The following HS3ST4 variants were observed in gnomAD, a reference collection of about 807,000 sequenced individuals.
The protein encoded by HS3ST4 is heparan sulfate-glucosamine 3-sulfotransferase 4, also known as heparan sulfate glucosamine 3-O-sulfotransferase 4.
HS3ST4 carries 17 observed loss-of-function variants against 29.2 expected under a neutral mutation model. The ratio of observed to expected loss-of-function variants is 0.58; its 90% CI spans 0.40 to 0.87. The LOEUF is 0.87. Among genes scored for constraint, HS3ST4 ranks in the 40% least tolerant of loss-of-function variants. The pLI is 0.00. For synonymous variants in HS3ST4, 314 were observed against 285.7 expected, an observed-to-expected ratio of 1.10 and a Z score of -1.00; for missense variants, 627 against 634.5, an observed-to-expected ratio of 0.99 and a Z score of 0.13.
At chr16:25,768,659 T>C (rs1383608484) in intron 1 of HS3ST4, among the ~76,000 whole-genome samples, 1 of 152,094 alleles carries the variant, frequency 6.6e-6, no homozygotes, top group Non-Finnish European at 1.5e-5. Flanking sequence ...TTCCTGCATT[T>C]TGTATTGTAA....
chr16:25,729,535 T>C (rs1263116967), intron 1 of HS3ST4, among the ~76,000 whole-genome samples: 1 of 152,198 alleles, frequency 6.6e-6, no homozygotes, highest in East Asian at 1.9e-4. Flanking sequence ...AGAGAGGAAG[T>C]TCCTTTCTGG....
At chr16:26,088,075 T>C (rs1596676317) in intron 1 of HS3ST4, among the ~76,000 whole-genome samples, 1 of 152,174 alleles carries the variant, frequency 6.6e-6, no homozygotes, top group Non-Finnish European at 1.5e-5. Context: ...TCTTCTGAGG[T>C]CCTGAGAGCC....
intron 1 of HS3ST4, among the ~76,000 whole-genome samples, chr16:26,080,591 G>A (rs532051999): frequency 3.7e-4 from 57 of 152,214 alleles, no homozygotes; most frequent in African/African-American, 1.3e-3. Context: ...TGTGGGCAAC[G>A]GAAACATAAT....
At chr16:25,933,382 A>G (rs1219012635) in intron 1 of HS3ST4, 1 of 517,190 alleles carries the variant, frequency 1.9e-6, no homozygotes, top group East Asian at 5.5e-5. Context: ...AATCTCAAAC[A>G]GAGGTGTCTT....
At chr16:26,023,869 T>C (rs1169192896) in intron 1 of HS3ST4, among the ~76,000 whole-genome samples, 1 of 152,234 alleles carries the variant, frequency 6.6e-6, no homozygotes, top group East Asian at 1.9e-4. Context: ...TCAAGAATTA[T>C]TGAGATTGAG....
At chr16:25,714,256 C>T (rs1966436874) in intron 1 of HS3ST4, among the ~76,000 whole-genome samples, 1 of 152,204 alleles carries the variant, frequency 6.6e-6, no homozygotes, top group Non-Finnish European at 1.5e-5. Context: ...TCATCATCCT[C>T]CTTCCCGCAC....
At chr16:25,845,756 T>G (rs1202205569) in intron 1 of HS3ST4, among the ~76,000 whole-genome samples, 1 of 151,946 alleles carries the variant, frequency 6.6e-6, no homozygotes, top group Non-Finnish European at 1.5e-5. Flanking sequence ...TCTCATTCTC[T>G]CTCTTCATTT....
At chr16:26,050,260 A>G (rs1442870803) in intron 1 of HS3ST4, among the ~76,000 whole-genome samples, 1 of 152,176 alleles carries the variant, frequency 6.6e-6, no homozygotes, top group African/African-American at 2.4e-5. Flanking sequence ...TTTAGGAGTC[A>G]TATGCCAGGG....
At chr16:25,836,696 A>G (rs1325154891) in intron 1 of HS3ST4, among the ~76,000 whole-genome samples, 1 of 152,224 alleles carries the variant, frequency 6.6e-6, no homozygotes, top group Non-Finnish European at 1.5e-5. Context: ...ATGAAAAACA[A>G]TATCATGCAG....
intron 1 of HS3ST4, among the ~76,000 whole-genome samples, chr16:25,877,544 G>T (rs1169528039): frequency 6.6e-6 from 1 of 152,142 alleles, no homozygotes; most frequent in African/African-American, 2.4e-5. Flanking sequence ...TGACAACAGA[G>T]ACAGAGATTG....
chr16:25,781,523 A>T (rs1308726799), intron 1 of HS3ST4, among the ~76,000 whole-genome samples: 2 of 151,988 alleles, frequency 1.3e-5, no homozygotes, highest in Non-Finnish European at 2.9e-5. Flanking sequence ...CACACACATA[A>T]CTCACATCTA....
rs534589148 is a variant in HS3ST4 at position 26,109,757 on chromosome 16, C to T, written c.735-25855C>T. On this transcript the variant is annotated intron_variant, in intron 1 of 1. Transcript: ENST00000331351. ...CTGTTTTTAGACATTTATTTTTTTTCCCAGCTCTATTTAGGTGTCATTGAC... is the reference window on the plus strand; with the variant it reads ...CTGTTTTTAGACATTTATTTTTTTTTCCAGCTCTATTTAGGTGTCATTGAC... Among the ~76,000 whole-genome samples, 24 of 148,096 alleles carry T rather than the reference C, an allele frequency of 1.6e-4. No individual in the cohort carries two copies. The South Asian group carries it at 5.0e-3, about 31-fold the overall frequency.
chr16:25,741,520 G>T (rs907727612), intron 1 of HS3ST4, among the ~76,000 whole-genome samples: 3 of 152,062 alleles, frequency 2.0e-5, no homozygotes, highest in Admixed American at 6.6e-5. Flanking sequence ...CTTTAAAAAA[G>T]AGGGGCTATT....
chr16:26,110,010 A>G (rs1008381099), intron 1 of HS3ST4, among the ~76,000 whole-genome samples: 1 of 152,072 alleles, frequency 6.6e-6, no homozygotes, highest in Non-Finnish European at 1.5e-5. Flanking sequence ...TCCTAAGTGA[A>G]ACTTTGTACC....
In HS3ST4 at chr16:25,958,439, C is replaced by T. The variant is rs546086213; in HGVS notation, c.735-177173C>T. Among the ~76,000 whole-genome samples the T allele has an allele frequency of 1.5e-3, 228 of 152,184 alleles. 1 individual carries two copies. The highest frequency in any genetic ancestry group is 2.7e-3 in the Non-Finnish European group (184 of 68,000). On this transcript the variant is annotated intron_variant, in intron 1 of 1. Transcript: ENST00000331351. ...CTCTGCCTCCTGAATTCAAGTGATTCTCCACCTCAGCCTCCCGAGTAGCTG... is the reference window on the plus strand; with the variant it reads ...CTCTGCCTCCTGAATTCAAGTGATTTTCCACCTCAGCCTCCCGAGTAGCTG...
Position 25,876,587 on chromosome 16 carries a change from C to G in HS3ST4, c.734+183436C>G, listed in dbSNP as rs73515319. On this transcript the variant is annotated intron_variant, in intron 1 of 1. Coordinates refer to ENST00000331351, the MANE Select transcript of HS3ST4 (RefSeq NM_006040.3). ...ACTGTCCCCTCATCTCTTATTGGTT[C>G]TAATTAGTCAAGAAAATGGAATATG... Among the ~76,000 whole-genome samples, 1,394 of 152,198 alleles carry G rather than the reference C, an allele frequency of 9.2e-3. 16 individuals are homozygous for G. Among genetic ancestry groups the G allele is most frequent in the African/African-American group, 0.032 (1,312 of 41,540 alleles).
rs1394514760 is a variant in HS3ST4, at chr16:26,024,410, A to T, written c.735-111202A>T. Among the ~76,000 whole-genome samples the T allele has an allele frequency of 2.6e-5, 4 of 151,988 alleles. No homozygotes were observed. The East Asian group carries it at 7.8e-4, about 29-fold the overall frequency. On this transcript the variant is annotated intron_variant, in intron 1 of 1. Transcript: ENST00000331351. ...GCATAAGAGTCCATGTAGGAAGAGC[A>T]CCCTCTGGCCACTTCATTTGCTTTT... is the stretch of plus-strand genomic sequence containing the variant.
At chr16:25,696,307 C>G (rs1034665109) in intron 1 of HS3ST4, among the ~76,000 whole-genome samples, 6 of 152,318 alleles carry the variant, frequency 3.9e-5, no homozygotes, top group Middle Eastern at 3.4e-3. Flanking sequence ...TAGGCAGAGA[C>G]TTTAAACTCT....
intron 1 of HS3ST4, among the ~76,000 whole-genome samples, chr16:25,988,678 A>G (rs1156832875): frequency 6.6e-6 from 1 of 152,124 alleles, no homozygotes; most frequent in East Asian, 1.9e-4. Context: ...ACATGGACAT[A>G]GAGGGGAACA....
Sources: allele counts gnomAD v4.1 joint callset (sites outside exome capture counted in the v4.1 genomes callset), GRCh38; gene constraint gnomAD v4.1.1; transcripts MANE v1.5; gene names NCBI Gene and HGNC (gene_info 2026-07-23, HGNC 2026-07-21).